Variants in SCAPER observed in about 807,000 individuals in gnomAD.
The protein encoded by SCAPER is S-phase cyclin A associated protein in the ER, also known as S phase cyclin A-associated protein in the endoplasmic reticulum.
In SCAPER, 98 loss-of-function variants were observed where a neutral mutation model predicts 182.2. That is an observed-to-expected ratio of 0.54 (90% confidence interval 0.46 to 0.64). The LOEUF is 0.64. SCAPER is among the 30% of genes least tolerant of loss of function. The pLI, the probability that SCAPER is intolerant of heterozygous loss-of-function variation, is 0.00. For synonymous variants in SCAPER, 605 were observed against 564.6 expected (o/e 1.07, Z -1.01); for missense variants, 1,432 against 1,690.0 (o/e 0.85, Z 2.68).
At chr15:76,670,888 CATCT>C (rs1186189828) in intron 20 of SCAPER, among the ~76,000 whole-genome samples, 2 of 152,132 alleles carry the variant, frequency 1.3e-5, no homozygotes, top group African/African-American at 4.8e-5. Context: ...GAGTAAAAAT[CATCT>C]ATCTGTCCAT....
chr15:76,426,725 T>C (rs1035075871), intron 26 of SCAPER, among the ~76,000 whole-genome samples: 4 of 152,026 alleles, frequency 2.6e-5, no homozygotes, highest in Non-Finnish European at 4.4e-5. Context: ...CTAAAATTCA[T>C]AGAGAACCAA....
intron 4 of SCAPER, among the ~76,000 whole-genome samples, chr15:76,842,723 C>T (rs1028304705): frequency 1.3e-5 from 2 of 152,130 alleles, no homozygotes; most frequent in Admixed American, 6.5e-5. Context: ...TCATACACTT[C>T]TTAGAGTATG....
At chr15:76,720,421 T>C (rs938554336) in intron 17 of SCAPER, among the ~76,000 whole-genome samples, 1 of 152,212 alleles carries the variant, frequency 6.6e-6, no homozygotes, top group African/African-American at 2.4e-5. Flanking sequence ...CAGCATGATT[T>C]ATAATCCTTT....
At chr15:76,881,420 TG>T (rs1326797178) in intron 2 of SCAPER, among the ~76,000 whole-genome samples, 2 of 152,224 alleles carry the variant, frequency 1.3e-5, no homozygotes, top group Admixed American at 6.5e-5. Context: ...AAGAGATATC[TG>T]TACACCCATG....
intron 22 of SCAPER, among the ~76,000 whole-genome samples, chr15:76,591,298 C>T (rs534411806): frequency 6.7e-5 from 10 of 148,720 alleles, no homozygotes; most frequent in Non-Finnish European, 1.2e-4. Context: ...GCAGGCTGCA[C>T]GCCCAGGAGG....
At chr15:76,763,452 T>C (rs2062921126) in intron 14 of SCAPER, among the ~76,000 whole-genome samples, 1 of 152,052 alleles carries the variant, frequency 6.6e-6, no homozygotes, top group African/African-American at 2.4e-5. Context: ...TTATAATAAG[T>C]CTTGATGTAG....
At chr15:76,776,133 C>T (rs1009865502) in intron 8 of SCAPER, among the ~76,000 whole-genome samples, 7 of 152,110 alleles carry the variant, frequency 4.6e-5, no homozygotes, top group Admixed American at 4.6e-4. Flanking sequence ...TGGTGAGTTC[C>T]ATGGGTTTCC....
At chr15:76,638,845 T>A (rs1370529478) in intron 21 of SCAPER, among the ~76,000 whole-genome samples, 1 of 152,212 alleles carries the variant, frequency 6.6e-6, no homozygotes, top group African/African-American at 2.4e-5. Context: ...ATACAGCATT[T>A]AATATGTGAT....
chr15:76,626,649 G>A (rs533081795), intron 21 of SCAPER, among the ~76,000 whole-genome samples: 1 of 152,286 alleles, frequency 6.6e-6, no homozygotes, highest in South Asian at 2.1e-4. Context: ...CCTGGGAGGC[G>A]GAGGTTGCAA....
intron 20 of SCAPER, among the ~76,000 whole-genome samples, chr15:76,693,884 T>C (rs749888563): frequency 6.6e-6 from 1 of 152,092 alleles, no homozygotes; most frequent in African/African-American, 2.4e-5. Context: ...ATGTTCAAGA[T>C]AAAAAGAGTT....
At chr15:76,776,175 C>T (rs1239702676) in intron 8 of SCAPER, among the ~76,000 whole-genome samples, 1 of 152,088 alleles carries the variant, frequency 6.6e-6, no homozygotes, top group Non-Finnish European at 1.5e-5. Context: ...AGACAGGATG[C>T]TTCAACAGTC....
intron 21 of SCAPER, among the ~76,000 whole-genome samples, chr15:76,662,040 A>G (rs1204403359): frequency 6.6e-6 from 1 of 152,214 alleles, no homozygotes; most frequent in African/African-American, 2.4e-5. Context: ...AGGGACATGG[A>G]TGAAGCTAGA....
In SCAPER at chr15:76,621,831, T is replaced by A. The variant is rs1457983673; in HGVS notation, c.2646-2A>T. On this transcript the variant is annotated splice_acceptor_variant, in intron 21 of 31. Coordinates refer to ENST00000563290, the MANE Select transcript of SCAPER (RefSeq NM_020843.4). LOFTEE classifies it high-confidence loss of function. ...ATTAAACTCTCATATTCCTTAGCCC[T>A]GAAGAGAAAAAAAGTTTTAACACAG... is the stretch of plus-strand genomic sequence containing the variant. 6.3e-7 allele frequency: 1 copy of A among 1,596,756 alleles called. No homozygotes were observed. Among genetic ancestry groups the A allele is most frequent in the Admixed American group, 1.7e-5 (1 of 57,304 alleles).
intron 21 of SCAPER, among the ~76,000 whole-genome samples, chr15:76,634,851 T>TTG (rs34278755): frequency 0.35 from 52,142 of 149,970 alleles, 9,095 homozygotes; most frequent in East Asian, 0.54. Context: ...GTGTGGGTAT[T>TTG]TGTGTGTGTG....
intron 5 of SCAPER, among the ~76,000 whole-genome samples, chr15:76,830,038 G>C (rs368175827): frequency 1.3e-5 from 2 of 152,162 alleles, no homozygotes; most frequent in African/African-American, 4.8e-5. Context: ...GTGACACTTA[G>C]GCTGAAATGT....
At chr15:76,375,803 G>A (rs1324050164) in intron 29 of SCAPER, among the ~76,000 whole-genome samples, 1 of 152,066 alleles carries the variant, frequency 6.6e-6, no homozygotes, top group Non-Finnish European at 1.5e-5. Context: ...GGCCAACATG[G>A]CAAAACCCCA....
intron 7 of SCAPER, among the ~76,000 whole-genome samples, chr15:76,799,059 A>C (rs1313857836): frequency 6.6e-6 from 1 of 152,214 alleles, no homozygotes; most frequent in Non-Finnish European, 1.5e-5. Context: ...GACAATGGCA[A>C]AAAACAGTAA....
intron 5 of SCAPER, among the ~76,000 whole-genome samples, chr15:76,813,151 A>G (rs1221729435): frequency 6.7e-6 from 1 of 149,586 alleles, no homozygotes. Context: ...TAGCACAATG[A>G]TAGGCAAGAA....
intron 21 of SCAPER, among the ~76,000 whole-genome samples, chr15:76,625,670 A>C (rs2052505703): frequency 1.3e-5 from 2 of 152,156 alleles, no homozygotes; most frequent in Admixed American, 6.5e-5. Context: ...TGTGAGGCCC[A>C]AGCATGGACT....
Sources: allele counts gnomAD v4.1 joint callset (sites outside exome capture counted in the v4.1 genomes callset), GRCh38; gene constraint gnomAD v4.1.1; transcripts MANE v1.5; gene names NCBI Gene and HGNC (gene_info 2026-07-23, HGNC 2026-07-21).